HES1: variants seen among roughly 807,000 people sequenced by gnomAD.
HES1 encodes the protein hes family bHLH transcription factor 1, also known as transcription factor HES-1.
A neutral mutation model predicts 21.0 loss-of-function variants in HES1; 7 were observed. The observed-to-expected ratio is 0.33, with a 90% CI of 0.19 to 0.63. HES1 has a LOEUF of 0.63. HES1 is among the 20% of genes least tolerant of loss of function. The pLI is 0.78. For missense variants in HES1, 338 were observed against 389.8 expected (o/e 0.87, Z 1.12); for synonymous variants, 169 against 171.2 (o/e 0.99, Z 0.10).
In HES1 at chr3:194,137,659, C is replaced by A; in HGVS notation, c.293-24C>A. ...ACGGGGCCAGGGCCGTTCGGTGACCCGTCTGTCTCTTTCTGGCCCGCAGCT... is the reference window on the plus strand; with the variant it reads ...ACGGGGCCAGGGCCGTTCGGTGACCAGTCTGTCTCTTTCTGGCCCGCAGCT... On this transcript the variant is annotated intron_variant, in intron 3 of 3. Transcript: ENST00000232424. The surrounding 1 kb of genome is among the most constrained non-coding windows in gnomAD (Gnocchi z 5.4). 3.9e-6 allele frequency: 6 copies of A among 1,553,262 alleles called. No homozygotes were observed. Among genetic ancestry groups the A allele is most frequent in the Non-Finnish European group, 5.2e-6 (6 of 1,144,468 alleles).
Position 194,136,472 on chromosome 3 carries a change from C to T in HES1, c.92C>T (p.Ala31Val), listed in dbSNP as rs1385031881. The change falls in exon 1 of 4, where the codon GCA (alanine) becomes GTA (valine). Residue 31 changes from alanine to valine, a missense_variant. Ala to Val is a moderately conservative substitution (Grantham distance 64, BLOSUM62 0). Transcript: ENST00000232424. ...ACGACACCGGATAAACCAAAGACAGCATCTGAGCACAGAAAGGTAAGGGCG... is the reference window on the plus strand; with the variant it reads ...ACGACACCGGATAAACCAAAGACAGTATCTGAGCACAGAAAGGTAAGGGCG... ...VNTTPDKPKT[A>V]SEHRKSSKPI... The T allele has an allele frequency of 6.2e-7, 1 of 1,609,342 alleles. No homozygotes were observed. The highest frequency in any genetic ancestry group is 2.2e-5 in the East Asian group (1 of 44,860).
Position 194,137,636 on chromosome 3 carries a change from G to A in HES1, c.293-47G>A, listed in dbSNP as rs762484355. 1.4e-5 allele frequency: 21 copies of A among 1,497,562 alleles called. No homozygotes were observed. The highest frequency in any genetic ancestry group is 7.9e-5 in the Admixed American group (4 of 50,690). 92.8% of individuals were successfully genotyped at this position (1,497,562 alleles called of 1,614,324 possible). A position where few individuals can be genotyped will look rare whatever the true frequency, so the allele number is the denominator to read the frequency against. On this transcript the variant is annotated intron_variant, in intron 3 of 3. Coordinates refer to ENST00000232424, the MANE Select transcript of HES1 (RefSeq NM_005524.4). This position sits in a 1 kb window ranked among gnomAD's most constrained non-coding sequence, Gnocchi z 5.4. ...CTCCCAGGGCGGAGGCAGTGGCCAC[G>A]GGGCCAGGGCCGTTCGGTGACCCGT...
rs765840154 is a variant in HES1, at chr3:194,138,238, G to T, written c.*5G>T. 4 of 1,546,632 alleles carry T rather than the reference G, an allele frequency of 2.6e-6. No individual in the cohort carries two copies. The Admixed American group carries it at 5.5e-5, about 21-fold the overall frequency. Reference sequence around the variant, plus strand: ...TGGAGGCCGTGGCGGAACTGAGGGGGCTCAGGCCACCCCTCCTCCTAAACT... The same window carrying T: ...TGGAGGCCGTGGCGGAACTGAGGGGTCTCAGGCCACCCCTCCTCCTAAACT... On this transcript the variant is annotated 3_prime_UTR_variant, in exon 4 of 4. Coordinates refer to ENST00000232424, the MANE Select transcript of HES1 (RefSeq NM_005524.4).
chr3:194,138,178 C>T lies in HES1; in HGVS notation c.788C>T (p.Pro263Leu), dbSNP rs780710032. 8.7e-6 allele frequency: 14 copies of T among 1,607,598 alleles called. No homozygotes were observed. Among genetic ancestry groups the T allele is most frequent in the Admixed American group, 1.7e-5 (1 of 59,148 alleles). ...GTSVGPNAVS[P>L]SSGPSLTADS... Reference sequence around the variant, plus strand: ...TCCGTGGGCCCCAACGCAGTGTCACCTTCCAGCGGCCCCTCGCTTACGGCG... The same window carrying T: ...TCCGTGGGCCCCAACGCAGTGTCACTTTCCAGCGGCCCCTCGCTTACGGCG... The change falls in exon 4 of 4, where the codon CCT (proline) becomes CTT (leucine). Residue 263 changes from proline to leucine, a missense_variant. Transcript: ENST00000232424.
At position 194,138,005 on chromosome 3, in the gene HES1, G is replaced by A; in HGVS notation, c.615G>A (p.Leu205=). 1 of 1,507,750 alleles carries A rather than the reference G, an allele frequency of 6.6e-7. No homozygotes were observed. The highest frequency in any genetic ancestry group is 8.9e-7 in the Non-Finnish European group (1 of 1,123,974). The allele number at this position is 1,507,750 out of a possible 1,614,324, so 93.4% of individuals were successfully genotyped here. ...APPPGGAPCK[L]GSQAGEAAKV... is the part of the protein sequence containing the mutation. The stretch of plus-strand genomic sequence containing the variant: ...CTCCCGGCGGCGCCCCCTGCAAGCT[G>A]GGCAGCCAGGCTGGAGAGGCGGCTA... The change falls in exon 4 of 4, where the codon CTG becomes CTA. Residue 205 remains leucine, a synonymous_variant. Coordinates refer to ENST00000232424, the MANE Select transcript of HES1 (RefSeq NM_005524.4).
chr3:194,136,572 A>G, intron 1 of HES1, 45 bp from the exon 2 acceptor site: 1 of 1,576,750 alleles, frequency 6.3e-7, no homozygotes, highest in Non-Finnish European at 8.7e-7. Context: ...AAACCCCGGG[A>G]TGGCAGATTC....
chr3:194,137,212 C>T lies in HES1; in HGVS notation c.292+164C>T. ...TGGGGCTTATTTATAGCCACAACTC[C>T]AAGTTGTTACTGTTCCGGAAAGGGA... is the stretch of plus-strand genomic sequence containing the variant. On this transcript the variant is annotated intron_variant, in intron 3 of 3. Transcript: ENST00000232424. This position sits in a 1 kb window ranked among gnomAD's most constrained non-coding sequence, Gnocchi z 5.4. 1.5e-6 allele frequency: 1 copy of T among 656,676 alleles called. No individual in the cohort carries two copies. The highest frequency in any genetic ancestry group is 2.7e-5 in the Admixed American group (1 of 37,706). 40.7% of individuals were successfully genotyped at this position (656,676 alleles called of 1,614,324 possible).
chr3:194,136,430 C>G lies in HES1; in HGVS notation c.50C>G (p.Thr17Ser). ...EKNSSSPVAA[T>S]PASVNTTPDK... The stretch of plus-strand genomic sequence containing the variant: ...AATTCCTCGTCCCCGGTGGCTGCTA[C>G]CCCAGCCAGTGTCAACACGACACCG... Residue 17 changes from threonine to serine, a missense_variant, in exon 1 of 4, where the codon ACC becomes AGC. Transcript: ENST00000232424. 6.2e-7 allele frequency: 1 copy of G among 1,611,136 alleles called. No individual in the cohort carries two copies. The highest frequency in any genetic ancestry group is 8.5e-7 in the Non-Finnish European group (1 of 1,179,300).
At position 194,137,822 on chromosome 3, in the gene HES1, C is replaced by T. The variant is rs76688672; in HGVS notation, c.432C>T (p.Ala144=). 8.1e-6 allele frequency: 13 copies of T among 1,613,284 alleles called. No individual in the cohort carries two copies. In the African/African-American group the frequency reaches 1.7e-4, roughly 21 times the overall value. Residue 144 remains alanine (A), a synonymous_variant, in exon 4 of 4, where the codon GCC becomes GCT. Coordinates refer to ENST00000232424, the MANE Select transcript of HES1 (RefSeq NM_005524.4). This position sits in a 1 kb window ranked among gnomAD's most constrained non-coding sequence, Gnocchi z 5.4. ...EVRTRLLGHL[A]NCMTQINAMT... is the part of the protein sequence containing the mutation. Reference sequence around the variant, plus strand: ...GCACTCGGCTGCTCGGCCACCTGGCCAACTGCATGACCCAGATCAATGCCA... The same window carrying T: ...GCACTCGGCTGCTCGGCCACCTGGCTAACTGCATGACCCAGATCAATGCCA...
rs1274139742 is a variant in HES1, at chr3:194,136,667, T to C, written c.159T>C (p.Ser53=). Residue 53 remains serine (S), a synonymous_variant, in exon 2 of 4, where the codon AGT becomes AGC. Transcript: ENST00000232424. ...GACGAAGAGCAAGAATAAATGAAAG[T>C]CTGAGCCAGCTGAAAACACTGATTT... ...EKRRRARINE[S]LSQLKTLILD... 1 of 1,613,984 alleles carries C rather than the reference T, an allele frequency of 6.2e-7. No individual in the cohort carries two copies. Among genetic ancestry groups the C allele is most frequent in the Admixed American group, 1.7e-5 (1 of 59,998 alleles).
In HES1 at chr3:194,136,292, A is replaced by C; in HGVS notation, c.-89A>C. On this transcript the variant is annotated 5_prime_UTR_variant, in exon 1 of 4. Coordinates refer to ENST00000232424, the MANE Select transcript of HES1 (RefSeq NM_005524.4). ...TGCTCAGTAGTTTTGTGAAAGTCTC[A>C]AGTAAAAGAGACACAAACAAAAAAT... 1.3e-6 allele frequency: 1 copy of C among 768,882 alleles called. No homozygotes were observed. Among genetic ancestry groups the C allele is most frequent in the Non-Finnish European group, 2.1e-6 (1 of 471,472 alleles). 47.6% of individuals were successfully genotyped at this position (768,882 alleles called of 1,614,324 possible). A position where few individuals can be genotyped will look rare whatever the true frequency, so the allele number is the denominator to read the frequency against.
In HES1 at chr3:194,136,259, T is replaced by G. The variant is rs77930285; in HGVS notation, c.-122T>G. On this transcript the variant is annotated 5_prime_UTR_variant, in exon 1 of 4. Coordinates refer to ENST00000232424, the MANE Select transcript of HES1 (RefSeq NM_005524.4). ...AGTAGCCACAAAATATAATAAACCC[T>G]CAGCACTTGCTCAGTAGTTTTGTGA... 9,357 of 646,440 alleles carry G rather than the reference T, an allele frequency of 0.014. 606 individuals carry two copies. In the African/African-American group the frequency reaches 0.15, roughly 11 times the overall value. 40.0% of individuals were successfully genotyped at this position (646,440 alleles called of 1,614,324 possible).
chr3:194,136,713 G>C lies in HES1; in HGVS notation c.204+1G>C. ...GATTTTGGATGCTCTGAAGAAAGAT[G>C]TAAGTGGGGAAATGCTGCTCGCTCT... On this transcript the variant is annotated splice_donor_variant, in intron 2 of 3. Coordinates refer to ENST00000232424, the MANE Select transcript of HES1 (RefSeq NM_005524.4). LOFTEE classifies it high-confidence loss of function. The C allele has an allele frequency of 6.2e-7, 1 of 1,607,232 alleles. No individual in the cohort carries two copies.
Position 194,137,618 on chromosome 3 carries a change from G to C in HES1, c.293-65G>C. On this transcript the variant is annotated intron_variant, in intron 3 of 3. Coordinates refer to ENST00000232424, the MANE Select transcript of HES1 (RefSeq NM_005524.4). The surrounding 1 kb of genome is among the most constrained non-coding windows in gnomAD (Gnocchi z 5.4). ...GAGGCGCGCCACAGGGACCTCCCAG[G>C]GCGGAGGCAGTGGCCACGGGGCCAG... 1 of 1,473,138 alleles carries C rather than the reference G, an allele frequency of 6.8e-7. No individual in the cohort carries two copies. The highest frequency in any genetic ancestry group is 9.1e-7 in the Non-Finnish European group (1 of 1,101,062). 91.3% of individuals were successfully genotyped at this position (1,473,138 alleles called of 1,614,324 possible).
chr3:194,136,359 TAAAA>T lies in HES1; in HGVS notation c.-9_-6del, dbSNP rs376059948. On this transcript the variant is annotated 5_prime_UTR_variant, in exon 1 of 4. Transcript: ENST00000232424. ...CTCCAAAAATAAAATTCTCTAGAGA[TAAAA>T]AAAAAAAAAAAAGGAAAATGCCAGC... 656 of 1,163,386 alleles carry T rather than the reference TAAAA, an allele frequency of 5.6e-4. 1 individual carries two copies. The highest frequency in any genetic ancestry group is 1.4e-3 in the South Asian group (91 of 64,770). 72.1% of individuals were successfully genotyped at this position (1,163,386 alleles called of 1,614,324 possible). A position where few individuals can be genotyped will look rare whatever the true frequency, so the allele number is the denominator to read the frequency against.
chr3:194,136,955 A>G lies in HES1; in HGVS notation c.205-6A>G, dbSNP rs370952700. 6.2e-7 allele frequency: 1 copy of G among 1,613,932 alleles called. No homozygotes were observed. The highest frequency in any genetic ancestry group is 8.5e-7 in the Non-Finnish European group (1 of 1,179,780). ...CTCACTTTCCTTTCTTGCCTACTCT[A>G]TGCAGAGCTCGCGGCATTCCAAGCT... On this transcript the variant is annotated splice_region_variant and splice_polypyrimidine_tract_variant and intron_variant, in intron 2 of 3. Coordinates refer to ENST00000232424, the MANE Select transcript of HES1 (RefSeq NM_005524.4).
At chr3:194,136,929 G>A (rs763805635) in intron 2 of HES1, 32 bp from the exon 3 acceptor site, 3 of 1,598,758 alleles carry the variant, frequency 1.9e-6, no homozygotes, top group Non-Finnish European at 2.6e-6. Context: ...CTGACACGGG[G>A]CTCACTTTCC....
rs1345417478 is a variant in HES1 at position 194,137,773 on chromosome 3, G to A, written c.383G>A (p.Cys128Tyr). The A allele has an allele frequency of 6.2e-7, 1 of 1,613,830 alleles. No homozygotes were observed. Among genetic ancestry groups the A allele is most frequent in the Non-Finnish European group, 8.5e-7 (1 of 1,179,938 alleles). The part of the protein sequence containing the change: ...MNEVTRFLST[C>Y]EGVNTEVRTR... The stretch of plus-strand genomic sequence containing the variant: ...GAGGTGACCCGCTTCCTGTCCACGT[G>A]CGAGGGCGTTAATACCGAGGTGCGC... Residue 128 changes from cysteine (C) to tyrosine (Y), a missense_variant, in exon 4 of 4, where the codon TGC becomes TAC. Transcript: ENST00000232424. The surrounding 1 kb of genome is among the most constrained non-coding windows in gnomAD (Gnocchi z 5.4).
rs1364163358 is a variant in HES1, at chr3:194,137,580, GC to G, written c.293-102del. On this transcript the variant is annotated intron_variant, in intron 3 of 3. Coordinates refer to ENST00000232424, the MANE Select transcript of HES1 (RefSeq NM_005524.4). The surrounding 1 kb of genome is among the most constrained non-coding windows in gnomAD (Gnocchi z 5.4). Reference sequence around the variant, plus strand: ...CTCCCTGCCGGAGGCAGTTTCACGGGCGCATGGTCAGGGAGGCGCGCCACAG... The same window carrying G: ...CTCCCTGCCGGAGGCAGTTTCACGGGGCATGGTCAGGGAGGCGCGCCACAG... The G allele has an allele frequency of 1.1e-5, 14 of 1,258,972 alleles. No individual in the cohort carries two copies. The highest frequency in any genetic ancestry group is 1.5e-5 in the Non-Finnish European group (14 of 938,078). The allele number at this position is 1,258,972 out of a possible 1,614,324, so 78.0% of individuals were successfully genotyped here.
Sources: allele counts gnomAD v4.1 joint callset, GRCh38; gene constraint gnomAD v4.1.1; non-coding constraint Gnocchi (gnomAD v3.1); transcripts MANE v1.5; gene names NCBI Gene and HGNC (gene_info 2026-07-23, HGNC 2026-07-21).